SP140: variants seen among roughly 807,000 people sequenced by gnomAD.
SP140 encodes the protein SP140 nuclear body protein, also known as nuclear body protein SP140.
Under a neutral mutation model 125.0 loss-of-function variants are expected in SP140, and 81 were observed. The ratio of observed to expected loss-of-function variants is 0.65; its 90% CI spans 0.54 to 0.78. SP140 has a LOEUF of 0.78. SP140 is among the 30% of genes least tolerant of loss of function. The probability of loss-of-function intolerance (pLI) is 0.00; values close to 1 mark genes in which losing one functional copy is unlikely to be tolerated. For missense variants in SP140, 858 were observed against 1,037.0 expected (o/e 0.83, Z 2.37); for synonymous variants, 312 against 354.0 (o/e 0.88, Z 1.33).
intron 1 of SP140, among the ~76,000 whole-genome samples, chr2:230,231,654 T>C (rs2047262436): frequency 6.6e-6 from 1 of 152,214 alleles, no homozygotes; most frequent in Non-Finnish European, 1.5e-5. Context: ...CTCGATCTTT[T>C]AATGGAACTG....
chr2:230,297,136 A>G (rs1372299174), intron 21 of SP140, among the ~76,000 whole-genome samples: 5 of 152,206 alleles, frequency 3.3e-5, no homozygotes, highest in African/African-American at 1.2e-4. Flanking sequence ...CAGAGAAACT[A>G]TATTTAATGG....
chr2:230,195,821 A>G, the SP140 span, among the ~76,000 whole-genome samples: 1 of 152,276 alleles, frequency 6.6e-6, no homozygotes, highest in East Asian at 1.9e-4. Context: ...AGTTCAAAAA[A>G]CACCCCGACA....
chr2:230,283,196 C>G (rs4972944), intron 15 of SP140, among the ~76,000 whole-genome samples: 120,470 of 152,092 alleles, frequency 0.79, 48,499 homozygotes, highest in African/African-American at 0.91. Context: ...CTGGACAAAG[C>G]ATCCTTGGGT....
chr2:230,286,851 T>C (rs2056450022), intron 17 of SP140, among the ~76,000 whole-genome samples: 1 of 152,158 alleles, frequency 6.6e-6, no homozygotes, highest in Admixed American at 6.5e-5. Flanking sequence ...GATTGGTCCT[T>C]TTTACTTTGG....
chr2:230,285,328 A>T (rs1477675889), intron 16 of SP140, among the ~76,000 whole-genome samples: 2 of 152,226 alleles, frequency 1.3e-5, no homozygotes, highest in African/African-American at 4.8e-5. Flanking sequence ...GTAAGATTTT[A>T]GAGTCCTATT....
chr2:230,204,206 T>C (rs1480136558), intron 1 of SP140, among the ~76,000 whole-genome samples: 1 of 152,238 alleles, frequency 6.6e-6, no homozygotes, highest in Non-Finnish European at 1.5e-5. Flanking sequence ...AGGTCAGAGT[T>C]ACCTCAACAG....
chr2:230,256,009 T>G (rs922747426), intron 12 of SP140, among the ~76,000 whole-genome samples: 3 of 152,208 alleles, frequency 2.0e-5, no homozygotes, highest in African/African-American at 7.2e-5. Context: ...TTTTTCTAGC[T>G]ATCAATACTA....
At chr2:230,311,094 C>G (rs1164263307) in intron 24 of SP140, 60 bp from the exon 25 acceptor site, 10 of 1,610,278 alleles carry the variant, frequency 6.2e-6, no homozygotes, top group Non-Finnish European at 8.5e-6. Flanking sequence ...TGCTGTGTCT[C>G]ATGCATGTGG....
chr2:230,252,238 C>T (rs1219343147), intron 10 of SP140, among the ~76,000 whole-genome samples: 1 of 151,422 alleles, frequency 6.6e-6, no homozygotes, highest in African/African-American at 2.4e-5. Context: ...TAGCATATCA[C>T]TGAAGGAGAA....
intron 12 of SP140, among the ~76,000 whole-genome samples, chr2:230,257,110 G>T (rs757091743): frequency 6.6e-6 from 1 of 152,000 alleles, no homozygotes. Context: ...GTTGGGGTGG[G>T]GTCTCATAGT....
chr2:230,231,966 C>A (rs1001582085), intron 1 of SP140, among the ~76,000 whole-genome samples: 8 of 152,042 alleles, frequency 5.3e-5, no homozygotes, highest in African/African-American at 1.9e-4. Context: ...GTCTCAGTCT[C>A]CCAAAATGCT....
Position 230,237,025 on chromosome 2 carries a change from C to T in SP140, c.60-58C>T. The T allele has an allele frequency of 3.6e-6, 5 of 1,392,240 alleles. No homozygotes were observed. The highest frequency in any genetic ancestry group is 4.8e-6 in the Non-Finnish European group (5 of 1,043,628). The allele number at this position is 1,392,240 out of a possible 1,614,324, so 86.2% of individuals were successfully genotyped here. On this transcript the variant is annotated intron_variant, in intron 1 of 26. Transcript: ENST00000392045. The surrounding 1 kb of genome is among the most constrained non-coding windows in gnomAD (Gnocchi z 5.4). Reference sequence around the variant, plus strand: ...TCCTTCATGTCTAAAATCTTCTAACCACCACAAACCTCTTGGAAACTCAGT... The same window carrying T: ...TCCTTCATGTCTAAAATCTTCTAACTACCACAAACCTCTTGGAAACTCAGT...
rs762007897 is a variant in SP140, at chr2:230,311,465, G to T, written c.2375G>T (p.Cys792Phe). Residue 792 changes from cysteine (C) to phenylalanine (F), a missense_variant, in exon 26 of 27, where the codon TGT becomes TTT. Coordinates refer to ENST00000392045, the MANE Select transcript of SP140 (RefSeq NM_007237.5). The part of the protein sequence containing the change: ...IPYYYYIREA[C>F]QGLKEPMWLD... ...ATTTGTCACCAGATTAGAGAGGCGTGTCAAGGCCTGAAGGAGCCCATGTGG... is the reference window on the plus strand; with the variant it reads ...ATTTGTCACCAGATTAGAGAGGCGTTTCAAGGCCTGAAGGAGCCCATGTGG... 6.2e-7 allele frequency: 1 copy of T among 1,609,340 alleles called. No individual in the cohort carries two copies. The highest frequency in any genetic ancestry group is 1.3e-5 in the African/African-American group (1 of 74,672).
rs542364063 is a variant in SP140, at chr2:230,289,058, G to A, written c.1720+1092G>A. On this transcript the variant is annotated intron_variant, in intron 18 of 26. Transcript: ENST00000392045. ...GAATCGCCACACTGTCTTCCATAAC[G>A]GTTGAACTAATTTACACTGCAACCA... 5.9e-5 allele frequency among the ~76,000 whole-genome samples: 9 copies of A among 152,274 alleles called. No homozygotes were observed. In the South Asian group the frequency reaches 1.4e-3, roughly 25 times the overall value.
rs1320540549 is a variant in SP140 at position 230,212,987 on chromosome 2, G to T, written c.-322-667G>T. The T allele has an allele frequency of 1.9e-6, 3 of 1,613,978 alleles. No homozygotes were observed. Among genetic ancestry groups the T allele is most frequent in the Non-Finnish European group, 2.5e-6 (3 of 1,179,994 alleles). On this transcript the variant is annotated intron_variant, in intron 1 of 4. Coordinates refer to the SP140 transcript ENST00000456542. The stretch of plus-strand genomic sequence containing the variant: ...CTAGGCCAGTTGGGGCTTCAAGTAG[G>T]ATTGGTGTGTCTCTGCTCTGCCATT...
chr2:230,310,986 C>G, intron 24 of SP140, 135 bp downstream of exon 24: 1 of 788,156 alleles, frequency 1.3e-6, no homozygotes, highest in Non-Finnish European at 2.0e-6. Context: ...GATAGAACAC[C>G]ACACCTTGTT....
chr2:230,231,512 T>C (rs747373673), intron 1 of SP140, among the ~76,000 whole-genome samples: 17 of 152,370 alleles, frequency 1.1e-4, no homozygotes, highest in South Asian at 2.1e-4. Flanking sequence ...TGGGTTTCTC[T>C]GAGAACTCCT....
intron 15 of SP140, among the ~76,000 whole-genome samples, chr2:230,283,034 C>G (rs1472456770): frequency 6.6e-6 from 1 of 152,186 alleles, no homozygotes; most frequent in Admixed American, 6.5e-5. Flanking sequence ...TCCCCCCTAA[C>G]AAATGACTGA....
rs200442948 is a variant in SP140, at chr2:230,285,850, C to T, written c.1645+18C>T. 4.2e-5 allele frequency: 66 copies of T among 1,586,920 alleles called. No homozygotes were observed. In the African/African-American group the frequency reaches 5.1e-4, roughly 12 times the overall value. ...GATTAGGGGTAAGATAAAGTTTGTC[C>T]GCTTTCCCTTTGCCCTACAGGTCAA... On this transcript the variant is annotated intron_variant, in intron 17 of 26. Coordinates refer to ENST00000392045, the MANE Select transcript of SP140 (RefSeq NM_007237.5).
Sources: allele counts gnomAD v4.1 joint callset (sites outside exome capture counted in the v4.1 genomes callset), GRCh38; gene constraint gnomAD v4.1.1; non-coding constraint Gnocchi (gnomAD v3.1); transcripts MANE v1.5; gene names NCBI Gene and HGNC (gene_info 2026-07-23, HGNC 2026-07-21).